CCDC192: variants seen among roughly 807,000 people sequenced by gnomAD.
CCDC192 encodes the protein coiled-coil domain containing 192.
intron 2 of CCDC192, among the ~76,000 whole-genome samples, chr5:127,732,556 C>A (rs1263890211): frequency 6.6e-6 from 1 of 152,114 alleles, no homozygotes; most frequent in Non-Finnish European, 1.5e-5. Flanking sequence ...ATGTTCATTG[C>A]AGCACTATTC....
chr5:127,719,975 C>G (rs62373501), intron 2 of CCDC192, among the ~76,000 whole-genome samples: 1 of 151,820 alleles, frequency 6.6e-6, no homozygotes. Flanking sequence ...GATCACAATT[C>G]AACATGAGAT....
intron 4 of CCDC192, among the ~76,000 whole-genome samples, chr5:127,797,574 C>T (rs1419231708): frequency 6.6e-6 from 1 of 151,264 alleles, no homozygotes; most frequent in African/African-American, 2.4e-5. Context: ...ACGAGAGGCT[C>T]ATAACATTTG....
intron 5 of CCDC192, among the ~76,000 whole-genome samples, chr5:127,857,124 A>G (rs1157581413): frequency 6.6e-6 from 1 of 152,218 alleles, no homozygotes; most frequent in Non-Finnish European, 1.5e-5. Flanking sequence ...AGCCTCTCAA[A>G]TAATTCAACA....
chr5:127,880,091 CCCATTA>C (rs1461312905), intron 6 of CCDC192, among the ~76,000 whole-genome samples: 1 of 152,036 alleles, frequency 6.6e-6, no homozygotes, highest in East Asian at 1.9e-4. Context: ...ACCCAGCCAT[CCCATTA>C]CTGGGTATAT....
chr5:127,778,400 TGTG>T, intron 3 of CCDC192, among the ~76,000 whole-genome samples: 1 of 152,224 alleles, frequency 6.6e-6, no homozygotes, highest in South Asian at 2.1e-4. Context: ...ATTCTATCAA[TGTG>T]ATCTATTGCC....
At chr5:127,915,183 G>A (rs1210561519) in intron 6 of CCDC192, among the ~76,000 whole-genome samples, 9 of 152,098 alleles carry the variant, frequency 5.9e-5, no homozygotes, top group Non-Finnish European at 7.4e-5. Context: ...ACACTATACT[G>A]TAGTCTACCA....
intron 3 of CCDC192, among the ~76,000 whole-genome samples, chr5:127,790,117 G>T (rs1756781411): frequency 6.6e-6 from 1 of 152,198 alleles, no homozygotes; most frequent in Non-Finnish European, 1.5e-5. Context: ...CACTCCAGTG[G>T]TCCTGGAGGG....
intron 5 of CCDC192, among the ~76,000 whole-genome samples, chr5:127,850,770 A>G (rs1291527093): frequency 1.3e-5 from 2 of 152,204 alleles, no homozygotes; most frequent in South Asian, 4.1e-4. Flanking sequence ...GTTCAAGACC[A>G]GCTTGGCCAA....
At chr5:127,872,400 C>G (rs1561533338) in intron 5 of CCDC192, among the ~76,000 whole-genome samples, 1 of 152,164 alleles carries the variant, frequency 6.6e-6, no homozygotes, top group African/African-American at 2.4e-5. Flanking sequence ...CCAGAATTAT[C>G]TTTAAAGTAT....
chr5:127,870,699 A>G (rs910768141), intron 5 of CCDC192, among the ~76,000 whole-genome samples: 1 of 152,178 alleles, frequency 6.6e-6, no homozygotes, highest in Non-Finnish European at 1.5e-5. Context: ...CCCCAAATCA[A>G]AGGCCTGCCA....
At chr5:127,757,794 ACACACT>A (rs771081582) in intron 3 of CCDC192, among the ~76,000 whole-genome samples, 98 of 100,026 alleles carry the variant, frequency 9.8e-4, no homozygotes, top group South Asian at 5.7e-3. Context: ...ACACACACAC[ACACACT>A]CTCTCTCTCT....
At chr5:127,829,940 A>G (rs1201023889) in intron 5 of CCDC192, among the ~76,000 whole-genome samples, 1 of 152,186 alleles carries the variant, frequency 6.6e-6, no homozygotes, top group Non-Finnish European at 1.5e-5. Flanking sequence ...TTTTTTAGTA[A>G]ATTATCCATT....
intron 5 of CCDC192, among the ~76,000 whole-genome samples, chr5:127,817,855 T>G (rs932758896): frequency 6.6e-6 from 1 of 152,164 alleles, no homozygotes; most frequent in Non-Finnish European, 1.5e-5. Flanking sequence ...GAAACATGTA[T>G]TTTTATTTGG....
In CCDC192 at chr5:127,894,187, ATTTT is replaced by A. The variant is rs70997350; in HGVS notation, c.535+18546_535+18549del. Among the ~76,000 whole-genome samples the A allele has an allele frequency of 9.0e-5, 10 of 111,026 alleles. No individual in the cohort carries two copies. The South Asian group carries it at 2.6e-3, about 29-fold the overall frequency. The allele number at this position is 111,026 out of a possible 152,430, so 72.8% of individuals were successfully genotyped here. A position where few individuals can be genotyped will look rare whatever the true frequency, so the allele number is the denominator to read the frequency against. Reference sequence around the variant, plus strand: ...TGCTCGGATACTTTAGTCCTATCTAATTTTTTTTTTTTTTTTTTTTTTTGAGACG... The same window carrying A: ...TGCTCGGATACTTTAGTCCTATCTAATTTTTTTTTTTTTTTTTTTGAGACG... On this transcript the variant is annotated intron_variant, in intron 6 of 6. Transcript: ENST00000514853.
chr5:127,885,283 TG>T lies in CCDC192; in HGVS notation c.535+9625del, dbSNP rs554030431. On this transcript the variant is annotated intron_variant, in intron 6 of 6. Coordinates refer to ENST00000514853, the MANE Select transcript of CCDC192 (RefSeq NM_001317938.2). ...GATTACCTGAAGGGCATGTACTGCT[TG>T]GGAATGCTGCTAAATAGCTCAGACT... is the stretch of plus-strand genomic sequence containing the variant. Among the ~76,000 whole-genome samples the T allele has an allele frequency of 2.2e-4, 34 of 152,324 alleles. 2 individuals are homozygous for T. The East Asian group carries it at 6.6e-3, about 29-fold the overall frequency.
intron 6 of CCDC192, 45 bp from the exon 7 acceptor site, chr5:127,941,137 A>T (rs1020675690): frequency 2.5e-6 from 1 of 398,888 alleles, no homozygotes; most frequent in African/African-American, 2.1e-5. Context: ...CTTCTGGGAA[A>T]TCTAATCAAA....
At chr5:127,878,163 G>T (rs1056853546) in intron 6 of CCDC192, among the ~76,000 whole-genome samples, 3 of 152,232 alleles carry the variant, frequency 2.0e-5, no homozygotes, top group Admixed American at 1.3e-4. Flanking sequence ...GCCACAAGCA[G>T]CTATGGGCTG....
intron 5 of CCDC192, among the ~76,000 whole-genome samples, chr5:127,827,687 T>C (rs1260137776): frequency 6.6e-6 from 1 of 152,202 alleles, no homozygotes; most frequent in Non-Finnish European, 1.5e-5. Flanking sequence ...AGCTGTACAA[T>C]GTGCAAGGGC....
intron 2 of CCDC192, among the ~76,000 whole-genome samples, chr5:127,709,842 T>C (rs545624009): frequency 3.2e-4 from 48 of 152,356 alleles, no homozygotes; most frequent in African/African-American, 8.4e-4. Context: ...AATTTTTCTC[T>C]GGTTGGTGGG....
Sources: allele counts gnomAD v4.1 joint callset (sites outside exome capture counted in the v4.1 genomes callset), GRCh38; gene constraint gnomAD v4.1.1; transcripts MANE v1.5; gene names NCBI Gene and HGNC (gene_info 2026-07-23, HGNC 2026-07-21).